Variants in TCEA1 observed in about 807,000 individuals in gnomAD.
TCEA1 encodes the protein transcription elongation factor A1, also known as transcription elongation factor A protein 1.
A neutral mutation model predicts 43.8 loss-of-function variants in TCEA1; 21 were observed. The ratio of observed to expected loss-of-function variants is 0.48; its 90% CI spans 0.34 to 0.69. The LOEUF (loss-of-function observed/expected upper bound fraction) is 0.69. Ranked by LOEUF, TCEA1 falls within the 30% of genes least tolerant of loss-of-function variation. The pLI, the probability that TCEA1 is intolerant of heterozygous loss-of-function variation, is 0.01. For synonymous variants in TCEA1, 104 were observed against 117.5 expected (o/e 0.88, Z 0.75); for missense variants, 250 against 365.1 (o/e 0.68, Z 2.57).
intron 1 of TCEA1, among the ~76,000 whole-genome samples, chr8:54,017,689 G>C (rs1182305776): frequency 2.0e-5 from 3 of 152,198 alleles, no homozygotes; most frequent in Non-Finnish European, 2.9e-5. Flanking sequence ...GGGAGGCCGA[G>C]GCAGGTGAAT....
At chr8:53,998,096 G>C (rs1029455742) in intron 3 of TCEA1, among the ~76,000 whole-genome samples, 4 of 152,130 alleles carry the variant, frequency 2.6e-5, no homozygotes, top group African/African-American at 7.2e-5. Context: ...ATAAAAATCT[G>C]ATTTGCATGA....
At chr8:53,985,546 G>T (rs1456533997) in intron 6 of TCEA1, among the ~76,000 whole-genome samples, 1 of 152,104 alleles carries the variant, frequency 6.6e-6, no homozygotes, top group Non-Finnish European at 1.5e-5. Context: ...GGCCGTGAGG[G>T]TTCCTCTCCT....
At chr8:54,007,275 T>C (rs1348794481) in intron 2 of TCEA1, among the ~76,000 whole-genome samples, 1 of 152,146 alleles carries the variant, frequency 6.6e-6, no homozygotes, top group Non-Finnish European at 1.5e-5. Context: ...AAACCAATTA[T>C]ATAATATAAA....
intron 1 of TCEA1, among the ~76,000 whole-genome samples, chr8:54,016,875 G>A (rs1368476272): frequency 6.7e-6 from 1 of 150,220 alleles, no homozygotes; most frequent in Non-Finnish European, 1.5e-5. Flanking sequence ...TCGGGAGGCT[G>A]AGACAGGAGA....
chr8:53,978,670 T>C (rs993604322), intron 8 of TCEA1: 1 of 159,916 alleles, frequency 6.3e-6, no homozygotes, highest in East Asian at 1.8e-4. Flanking sequence ...TCTCATCAAA[T>C]GAACAGGGGT....
intron 2 of TCEA1, among the ~76,000 whole-genome samples, chr8:54,005,374 A>T (rs958616870): frequency 3.3e-5 from 5 of 152,208 alleles, no homozygotes; most frequent in Admixed American, 6.5e-5. Flanking sequence ...CCATCACTGC[A>T]AAGTCATACT....
intron 8 of TCEA1, chr8:53,973,029 C>A (rs2080428829): frequency 1.5e-6 from 1 of 674,494 alleles, no homozygotes; most frequent in Admixed American, 1.8e-5. Context: ...CAACACTCAA[C>A]AGGAAGCTTA....
chr8:53,987,281 C>G lies in TCEA1; in HGVS notation c.467-256G>C, dbSNP rs1004317677. Among the ~76,000 whole-genome samples the G allele has an allele frequency of 3.9e-5, 6 of 152,290 alleles. No homozygotes were observed. The East Asian group carries it at 9.6e-4, about 24-fold the overall frequency. ...CACAGGAAGTAACTGATCTAGCAGGCAATTCATTTTTCGTAACTCCATAAA... is the reference window on the plus strand; with the variant it reads ...CACAGGAAGTAACTGATCTAGCAGGGAATTCATTTTTCGTAACTCCATAAA... On this transcript the variant is annotated intron_variant, in intron 5 of 9. Transcript: ENST00000521604.
At chr8:53,988,492 TTTGA>T (rs774830934) in intron 4 of TCEA1, among the ~76,000 whole-genome samples, 58 of 152,202 alleles carry the variant, frequency 3.8e-4, no homozygotes, top group Non-Finnish European at 1.3e-4. Context: ...ACATTTTATC[TTTGA>T]TTCTCATTTT....
chr8:53,998,343 T>G (rs1804135257), intron 3 of TCEA1, among the ~76,000 whole-genome samples: 1 of 151,920 alleles, frequency 6.6e-6, no homozygotes, highest in Non-Finnish European at 1.5e-5. Context: ...TTTCTGTACT[T>G]TTTTTTTGTG....
At position 53,978,835 on chromosome 8, in the gene TCEA1, C is replaced by G. The variant is rs111453987; in HGVS notation, c.825+190G>C. On this transcript the variant is annotated intron_variant, in intron 8 of 9. Transcript: ENST00000521604. ...ATAAAACTTATCAGTACATATGTAT[C>G]GGAAAAAACGTGGTATACATAGGGT... 1.5e-3 allele frequency: 791 copies of G among 519,758 alleles called. 9 individuals are homozygous for G. The highest frequency in any genetic ancestry group is 5.0e-3 in the African/African-American group (263 of 52,920). 32.2% of individuals were successfully genotyped at this position (519,758 alleles called of 1,614,324 possible).
chr8:53,996,903 C>CTTTTTTTTTTT lies in TCEA1; in HGVS notation c.232+3031_232+3041dup, dbSNP rs754537318. 2.2e-3 allele frequency among the ~76,000 whole-genome samples: 260 copies of CTTTTTTTTTTT among 116,582 alleles called. 28 individuals carry two copies. The highest frequency in any genetic ancestry group is 8.9e-3 in the African/African-American group (237 of 26,720). The allele number at this position is 116,582 out of a possible 152,430, so 76.5% of individuals were successfully genotyped here. A position where few individuals can be genotyped will look rare whatever the true frequency, so the allele number is the denominator to read the frequency against. ...AGCTAAGGGGTAAAAAGAAGGTTGT[C>CTTTTTTTTTTT]TTTTTTTTTTTTTTTAGACAGACTC... is the stretch of plus-strand genomic sequence containing the variant. On this transcript the variant is annotated intron_variant, in intron 3 of 9. Transcript: ENST00000521604.
Position 53,967,582 on chromosome 8 carries a change from C to G in TCEA1, c.*522G>C, listed in dbSNP as rs1011337783. 8 of 198,614 alleles carry G rather than the reference C, an allele frequency of 4.0e-5. No homozygotes were observed. Among genetic ancestry groups the G allele is most frequent in the Non-Finnish European group, 7.2e-5 (7 of 96,650 alleles). The allele number at this position is 198,614 out of a possible 1,614,324, so 12.3% of individuals were successfully genotyped here. A position where few individuals can be genotyped will look rare whatever the true frequency, so the allele number is the denominator to read the frequency against. ...TGAACATAATAATTAAAATCAAATT[C>G]ATAAGCTACCTCAAAATTATGTACA... On this transcript the variant is annotated 3_prime_UTR_variant, in exon 10 of 10. Coordinates refer to ENST00000521604, the MANE Select transcript of TCEA1 (RefSeq NM_006756.4).
intron 1 of TCEA1, among the ~76,000 whole-genome samples, chr8:54,018,688 C>T (rs191518259): frequency 1.3e-5 from 2 of 152,276 alleles, no homozygotes; most frequent in Non-Finnish European, 2.9e-5. Flanking sequence ...TTCTGTGGTT[C>T]ACTGTGGCTT....
At chr8:54,018,116 G>A (rs1391508168) in intron 1 of TCEA1, among the ~76,000 whole-genome samples, 1 of 152,128 alleles carries the variant, frequency 6.6e-6, no homozygotes, top group African/African-American at 2.4e-5. Context: ...CTCTGATATA[G>A]ATATCAAAGT....
intron 2 of TCEA1, among the ~76,000 whole-genome samples, chr8:54,004,508 G>A (rs1362358690): frequency 6.6e-6 from 1 of 152,194 alleles, no homozygotes; most frequent in Non-Finnish European, 1.5e-5. Context: ...TAAGCTAAGT[G>A]ACAGAAGCCA....
At chr8:53,992,069 T>C (rs1803901063) in intron 4 of TCEA1, among the ~76,000 whole-genome samples, 1 of 152,020 alleles carries the variant, frequency 6.6e-6, no homozygotes, top group Non-Finnish European at 1.5e-5. Context: ...CCCAGCACTT[T>C]GGGAGGCTGA....
intron 3 of TCEA1, among the ~76,000 whole-genome samples, chr8:53,998,017 A>G (rs1804120743): frequency 6.6e-6 from 1 of 152,244 alleles, no homozygotes; most frequent in Non-Finnish European, 1.5e-5. Context: ...TGCATTCATT[A>G]CAATTGGTCA....
chr8:53,981,797 C>T lies in TCEA1; in HGVS notation c.678+2566G>A, dbSNP rs143774181. ...AGACAGGATTTCACTCTGTCACCCACGCTGGAGCGCAGTGGTGCAATCTCA... is the reference window on the plus strand; with the variant it reads ...AGACAGGATTTCACTCTGTCACCCATGCTGGAGCGCAGTGGTGCAATCTCA... On this transcript the variant is annotated intron_variant, in intron 7 of 9. Transcript: ENST00000521604. Among the ~76,000 whole-genome samples, 7 of 151,414 alleles carry T rather than the reference C, an allele frequency of 4.6e-5. No homozygotes were observed. In the East Asian group the frequency reaches 5.8e-4, roughly 13 times the overall value.
Sources: gnomAD v4.1 joint callset for allele counts (sites outside exome capture counted in the v4.1 genomes callset) on GRCh38, gnomAD v4.1.1 for gene constraint, MANE v1.5 for transcripts, NCBI Gene and HGNC (gene_info 2026-07-23, HGNC 2026-07-21) for gene names.